The following AKT2 variants were observed in gnomAD, a reference collection of about 807,000 sequenced individuals.
The protein encoded by AKT2 is AKT serine/threonine kinase 2.
In AKT2, 16 loss-of-function variants were observed where a neutral mutation model predicts 58.6. That is an observed-to-expected ratio of 0.27 (90% CI 0.18 to 0.41). The LOEUF is 0.41. Among genes scored for constraint, AKT2 ranks in the 10% least tolerant of loss-of-function variants. The pLI is 1.00. For synonymous variants in AKT2, 253 were observed against 254.0 expected (o/e 1.00, Z 0.04); for missense variants, 438 against 661.0 (o/e 0.66, Z 3.70).
Position 40,242,153 on chromosome 19 carries a change from C to T in AKT2, c.442-84G>A, listed in dbSNP as rs1465487191. Reference sequence around the variant, plus strand: ...AATTTTAACAAAAGAAAGAGGAAAACCAAAAGACACTGTTGCCAAACGGCT... The same window carrying T: ...AATTTTAACAAAAGAAAGAGGAAAATCAAAAGACACTGTTGCCAAACGGCT... On this transcript the variant is annotated intron_variant, in intron 5 of 13. Coordinates refer to ENST00000392038, the MANE Select transcript of AKT2 (RefSeq NM_001626.6). The surrounding 1 kb of genome is among the most constrained non-coding windows in gnomAD (Gnocchi z 4.3). The T allele has an allele frequency of 1.6e-5, 25 of 1,582,304 alleles. No individual in the cohort carries two copies. The highest frequency in any genetic ancestry group is 5.4e-5 in the African/African-American group (4 of 74,238).
intron 6 of AKT2, chr19:40,240,440 G>GGAAGTGCCACCACAGGCTGTGC (rs1974325526): frequency 1.9e-6 from 1 of 537,220 alleles, no homozygotes; most frequent in Admixed American, 2.5e-5. Flanking sequence ...ACAGGCTGTG[G>GGAAGTGCCACCACAGGCTGTGC]GAAGTCCCAC....
chr19:40,249,405 T>A (rs1217217945), intron 4 of AKT2, among the ~76,000 whole-genome samples: 2 of 152,220 alleles, frequency 1.3e-5, no homozygotes, highest in African/African-American at 2.4e-5. Context: ...CTACACCACA[T>A]GACAGCCAGG....
intron 2 of AKT2, among the ~76,000 whole-genome samples, chr19:40,261,365 TCTA>T (rs1214592589): frequency 1.3e-5 from 2 of 151,912 alleles, no homozygotes; most frequent in Non-Finnish European, 2.9e-5. Flanking sequence ...AAACCCCATC[TCTA>T]CTAATAATAC....
intron 1 of AKT2, among the ~76,000 whole-genome samples, chr19:40,273,896 C>T (rs1354587458): frequency 6.6e-6 from 1 of 152,154 alleles, no homozygotes; most frequent in Non-Finnish European, 1.5e-5. Context: ...GTCCAAGGCC[C>T]CTATGGAGGC....
At chr19:40,249,550 ACAAG>A (rs2145252498) in intron 4 of AKT2, among the ~76,000 whole-genome samples, 1 of 152,304 alleles carries the variant, frequency 6.6e-6, no homozygotes, top group African/African-American at 2.4e-5. Context: ...TCCTTCATGC[ACAAG>A]CCCGTCCTCA....
At chr19:40,260,173 A>G (rs558517606) in intron 2 of AKT2, among the ~76,000 whole-genome samples, 1 of 152,048 alleles carries the variant, frequency 6.6e-6, no homozygotes, top group East Asian at 1.9e-4. Context: ...ACAAAACAAA[A>G]ACAAAAAAAT....
At chr19:40,252,389 A>T (rs1975220984) in intron 4 of AKT2, among the ~76,000 whole-genome samples, 1 of 152,172 alleles carries the variant, frequency 6.6e-6, no homozygotes, top group Non-Finnish European at 1.5e-5. Context: ...CAGCCTACAG[A>T]ATCTTGGTAA....
intron 9 of AKT2, chr19:40,236,923 C>T (rs1974068393): frequency 1.1e-5 from 2 of 181,874 alleles, no homozygotes; most frequent in Non-Finnish European, 2.3e-5. Context: ...GTCCCAGCTA[C>T]TTGCGAGGCT....
chr19:40,267,174 CCTGT>C (rs1202912659), intron 1 of AKT2, among the ~76,000 whole-genome samples: 5 of 152,128 alleles, frequency 3.3e-5, no homozygotes, highest in Non-Finnish European at 5.9e-5. Flanking sequence ...CAACGCTGAA[CCTGT>C]CTTTCTCCTG....
Position 40,231,294 on chromosome 19 carries a change from T to C in AKT2, c.*2578A>G, listed in dbSNP as rs1234569908. On this transcript the variant is annotated 3_prime_UTR_variant, in exon 14 of 14. Coordinates refer to ENST00000392038, the MANE Select transcript of AKT2 (RefSeq NM_001626.6). ...CCACACTACGAGACCTGCATCACCA[T>C]GGTGTGAGGAGCAGCAACGTGGGTC... 8.6e-6 allele frequency: 2 copies of C among 232,044 alleles called. No individual in the cohort carries two copies. The highest frequency in any genetic ancestry group is 4.4e-5 in the African/African-American group (2 of 45,240). The allele number at this position is 232,044 out of a possible 1,614,324, so 14.4% of individuals were successfully genotyped here. A position where few individuals can be genotyped will look rare whatever the true frequency, so the allele number is the denominator to read the frequency against.
chr19:40,236,520 G>T, intron 9 of AKT2, 135 bp from the exon 10 acceptor site: 1 of 1,198,988 alleles, frequency 8.3e-7, no homozygotes, highest in Non-Finnish European at 1.2e-6. Flanking sequence ...AGCACACACA[G>T]CCTCACCCTC....
At chr19:40,248,199 G>A (rs1228671369) in intron 4 of AKT2, among the ~76,000 whole-genome samples, 2 of 152,198 alleles carry the variant, frequency 1.3e-5, no homozygotes, top group African/African-American at 4.8e-5. Context: ...TGCCTCGGTG[G>A]GTGAGGCACT....
chr19:40,254,518 A>C (rs1397995420), intron 4 of AKT2, among the ~76,000 whole-genome samples: 2 of 142,980 alleles, frequency 1.4e-5, no homozygotes, highest in Admixed American at 7.1e-5. Flanking sequence ...ACAGAGCAAG[A>C]CTCTGTCTCA....
chr19:40,235,576 T>C lies in AKT2; in HGVS notation c.1176-226A>G. On this transcript the variant is annotated intron_variant, in intron 11 of 13. Coordinates refer to ENST00000392038, the MANE Select transcript of AKT2 (RefSeq NM_001626.6). The surrounding 1 kb of genome is among the most constrained non-coding windows in gnomAD (Gnocchi z 6.3). ...GTGTCCTCACTGCCTGGCCTTACCC[T>C]GAGTCCAGAAAGGGAGTTAGTAGGG... The C allele has an allele frequency of 1.6e-6, 1 of 627,912 alleles. No individual in the cohort carries two copies. The allele number at this position is 627,912 out of a possible 1,614,324, so 38.9% of individuals were successfully genotyped here.
chr19:40,240,054 C>T lies in AKT2; in HGVS notation c.630G>A (p.Pro210=), dbSNP rs779762305. Reference sequence around the variant, plus strand: ...GGGGAGGGCAACTCACAGTGAGGAACGGGTGCCTGGTGTTCTGGAGGACCC... The same window carrying T: ...GGGGAGGGCAACTCACAGTGAGGAATGGGTGCCTGGTGTTCTGGAGGACCC... ...ESRVLQNTRH[P]FLTALKYAFQ... is the part of the protein sequence containing the mutation. Residue 210 remains proline (P), a synonymous_variant, in exon 7 of 14, where the codon CCG becomes CCA. Coordinates refer to ENST00000392038, the MANE Select transcript of AKT2 (RefSeq NM_001626.6). 14 of 1,613,840 alleles carry T rather than the reference C, an allele frequency of 8.7e-6. No homozygotes were observed. Among genetic ancestry groups the T allele is most frequent in the African/African-American group, 4.0e-5 (3 of 74,890 alleles).
chr19:40,233,499 C>T lies in AKT2; in HGVS notation c.*373G>A. 3.4e-6 allele frequency: 2 copies of T among 582,692 alleles called. No individual in the cohort carries two copies. The highest frequency in any genetic ancestry group is 6.6e-6 in the Non-Finnish European group (2 of 302,962). The allele number at this position is 582,692 out of a possible 1,614,324, so 36.1% of individuals were successfully genotyped here. A position where few individuals can be genotyped will look rare whatever the true frequency, so the allele number is the denominator to read the frequency against. ...CCAGAAGGCAGCCTTCGTCCAGATG[C>T]AGCAGCGCGGAGGCAGACACCAGCA... On this transcript the variant is annotated 3_prime_UTR_variant, in exon 14 of 14. Transcript: ENST00000392038. The surrounding 1 kb of genome is among the most constrained non-coding windows in gnomAD (Gnocchi z 4.3).
rs924254984 is a variant in AKT2, at chr19:40,233,336, G to A, written c.*536C>T. ...CTGCAGCTCCCAAGGGCCCCTGCCT[G>A]CCCCTGGACATTATTGCTTTTCTGC... On this transcript the variant is annotated 3_prime_UTR_variant, in exon 14 of 14. Transcript: ENST00000392038. The surrounding 1 kb of genome is among the most constrained non-coding windows in gnomAD (Gnocchi z 4.3). 5.1e-6 allele frequency: 2 copies of A among 395,510 alleles called. No individual in the cohort carries two copies. Among genetic ancestry groups the A allele is most frequent in the Admixed American group, 7.7e-5 (2 of 25,900 alleles). The allele number at this position is 395,510 out of a possible 1,614,324, so 24.5% of individuals were successfully genotyped here. A position where few individuals can be genotyped will look rare whatever the true frequency, so the allele number is the denominator to read the frequency against.
intron 4 of AKT2, among the ~76,000 whole-genome samples, chr19:40,249,625 A>G (rs554083797): frequency 6.6e-6 from 1 of 152,352 alleles, no homozygotes; most frequent in East Asian, 1.9e-4. Flanking sequence ...TCCCCGACCT[A>G]GAGGGGCATT....
intron 1 of AKT2, among the ~76,000 whole-genome samples, chr19:40,275,885 C>T (rs1018685697): frequency 1.3e-5 from 2 of 149,688 alleles, no homozygotes; most frequent in South Asian, 2.1e-4. Flanking sequence ...TGGTGGTAGG[C>T]GCCTGTAATC....
Sources: allele counts gnomAD v4.1 joint callset (sites outside exome capture counted in the v4.1 genomes callset), GRCh38; gene constraint gnomAD v4.1.1; non-coding constraint Gnocchi (gnomAD v3.1); transcripts MANE v1.5; gene names NCBI Gene and HGNC (gene_info 2026-07-23, HGNC 2026-07-21).